Variants in MAP2 observed in about 807,000 individuals in gnomAD.
MAP2 encodes microtubule associated protein 2, also known as microtubule-associated protein 2.
MAP2 carries 14 observed loss-of-function variants against 137.6 expected under a neutral mutation model. The ratio of observed to expected loss-of-function variants is 0.10; its 90% confidence interval spans 0.07 to 0.16. The LOEUF (loss-of-function observed/expected upper bound fraction) is 0.16, where lower values mean the gene tolerates loss of function less well. Ranked by LOEUF, MAP2 falls within the 10% of genes least tolerant of loss-of-function variation. The pLI is 1.00. For synonymous variants in MAP2, 786 were observed against 782.3 expected, an observed-to-expected ratio of 1.00 and a Z score of -0.08; for missense variants, 2,088 against 2,191.5, an observed-to-expected ratio of 0.95 and a Z score of 0.94.
At chr2:209,484,987 G>A (rs2058198810) in intron 1 of MAP2, among the ~76,000 whole-genome samples, 1 of 152,210 alleles carries the variant, frequency 6.6e-6, no homozygotes, top group South Asian at 2.1e-4. Context: ...TGTGCACCAT[G>A]TCTGCAACTG....
intron 4 of MAP2, among the ~76,000 whole-genome samples, chr2:209,652,013 A>T (rs993866802): frequency 1.3e-5 from 2 of 152,126 alleles, no homozygotes; most frequent in Admixed American, 6.5e-5. Context: ...AAAAAGGAAG[A>T]TGTTCTTAGT....
chr2:209,727,913 A>G (rs565697009), intron 14 of MAP2, among the ~76,000 whole-genome samples: 1 of 152,252 alleles, frequency 6.6e-6, no homozygotes, highest in Non-Finnish European at 1.5e-5. Context: ...TCAATAATAC[A>G]TTATTATTTT....
chr2:209,694,137 A>G lies in MAP2; in HGVS notation c.1967A>G (p.Gln656Arg). 1 of 1,614,122 alleles carries G rather than the reference A, an allele frequency of 6.2e-7. No individual in the cohort carries two copies. The highest frequency in any genetic ancestry group is 8.5e-7 in the Non-Finnish European group (1 of 1,179,990). ...TTACCTGAAGAACCCAGTTCTCCTC[A>G]AGAAAGAATGTTCACTATTGATCCA... ...SDLPEEPSSPQERMFTIDPKV... is the reference protein window; with the variant it reads ...SDLPEEPSSPRERMFTIDPKV... The change falls in exon 8 of 16, where the codon CAA becomes CGA. Residue 656 changes from glutamine (Q) to arginine (R), a missense_variant. This residue lies in a region of MAP2 where 859 missense variants were observed against 794.5 expected (regional missense o/e 1.08). Transcript: ENST00000682079.
rs2060111349 is a variant in MAP2, at chr2:209,696,109, C to T, written c.3939C>T (p.Ala1313=). 6.2e-7 allele frequency: 1 copy of T among 1,613,584 alleles called. No homozygotes were observed. Among genetic ancestry groups the T allele is most frequent in the Non-Finnish European group, 8.5e-7 (1 of 1,179,802 alleles). ...ESGSHSVRFA[A]LEQPEVERRP... is the part of the protein sequence containing the mutation. ...GGTCCCACAGCGTGCGTTTTGCAGCCCTAGAGCAGCCTGAGGTGGAAAGGA... is the reference window on the plus strand; with the variant it reads ...GGTCCCACAGCGTGCGTTTTGCAGCTCTAGAGCAGCCTGAGGTGGAAAGGA... Residue 1313 remains alanine (A), a synonymous_variant, in exon 8 of 16, where the codon GCC becomes GCT. Coordinates refer to ENST00000682079, the MANE Select transcript of MAP2 (RefSeq NM_001375505.1).
intron 4 of MAP2, among the ~76,000 whole-genome samples, chr2:209,650,054 A>C (rs1209170708): frequency 6.6e-6 from 1 of 152,226 alleles, no homozygotes; most frequent in Non-Finnish European, 1.5e-5. Context: ...TTGGTTTGCT[A>C]GGTTTAAAAT....
At chr2:209,430,776 A>C in intron 1 of MAP2, among the ~76,000 whole-genome samples, 1 of 152,182 alleles carries the variant, frequency 6.6e-6, no homozygotes. Flanking sequence ...ATCTTCACTT[A>C]AACATCAGAA....
chr2:209,539,344 A>G lies in MAP2; in HGVS notation c.-172+31703A>G, dbSNP rs76561517. Among the ~76,000 whole-genome samples the G allele has an allele frequency of 8.9e-3, 1,362 of 152,324 alleles. 15 individuals carry two copies. The highest frequency in any genetic ancestry group is 0.031 in the African/African-American group (1,309 of 41,566). ...TGAATTGTTGGGTCTAATTAATTAT[A>G]TATTTACCTCTGCTCCTTCACAATT... is the stretch of plus-strand genomic sequence containing the variant. On this transcript the variant is annotated intron_variant, in intron 2 of 15. Coordinates refer to ENST00000682079, the MANE Select transcript of MAP2 (RefSeq NM_001375505.1).
chr2:209,630,284 C>G (rs1012730880), intron 4 of MAP2, among the ~76,000 whole-genome samples: 1 of 151,924 alleles, frequency 6.6e-6, no homozygotes, highest in African/African-American at 2.4e-5. Flanking sequence ...CTCCCAATCT[C>G]TCTGGGGCTC....
intron 7 of MAP2, among the ~76,000 whole-genome samples, chr2:209,689,716 G>T (rs79774470): frequency 0.011 from 1,651 of 152,126 alleles, 19 homozygotes; most frequent in Non-Finnish European, 0.018. Context: ...ACAGAAATAA[G>T]ACTTTATTAC....
intron 5 of MAP2, among the ~76,000 whole-genome samples, chr2:209,660,896 G>A (rs1430299609): frequency 2.0e-5 from 3 of 147,960 alleles, no homozygotes; most frequent in Admixed American, 6.7e-5. Context: ...CACCACGCCC[G>A]GCTAATTTTT....
At chr2:209,673,704 A>G (rs193274625) in intron 5 of MAP2, among the ~76,000 whole-genome samples, 63 of 151,988 alleles carry the variant, frequency 4.1e-4, no homozygotes, top group Non-Finnish European at 7.8e-4. Context: ...ATAATGAATA[A>G]TAATTCCCCA....
At chr2:209,669,904 T>G (rs2048062661) in intron 5 of MAP2, among the ~76,000 whole-genome samples, 1 of 152,148 alleles carries the variant, frequency 6.6e-6, no homozygotes, top group South Asian at 2.1e-4. Context: ...TTTGTTTTAT[T>G]GATATTTTAT....
intron 3 of MAP2, among the ~76,000 whole-genome samples, chr2:209,590,929 A>G (rs2079071870): frequency 6.6e-6 from 1 of 152,164 alleles, no homozygotes; most frequent in South Asian, 2.1e-4. Flanking sequence ...TAAAATAGTA[A>G]TGACTCCTGT....
chr2:209,608,640 G>T (rs1162524457), intron 3 of MAP2, among the ~76,000 whole-genome samples: 1 of 151,948 alleles, frequency 6.6e-6, no homozygotes, highest in African/African-American at 2.4e-5. Context: ...ATTTGACGAG[G>T]CCATCCATTT....
At chr2:209,528,848 G>A (rs549739906) in intron 2 of MAP2, among the ~76,000 whole-genome samples, 269 of 141,088 alleles carry the variant, frequency 1.9e-3, no homozygotes, top group African/African-American at 6.6e-3. Context: ...GTATATATAT[G>A]TGTGTGTGTA....
chr2:209,465,296 A>G (rs1357399141), intron 1 of MAP2, among the ~76,000 whole-genome samples: 1 of 152,156 alleles, frequency 6.6e-6, no homozygotes, highest in Non-Finnish European at 1.5e-5. Context: ...AAATAAACTA[A>G]ATCAGTCAAG....
chr2:209,730,432 AG>A lies in MAP2; in HGVS notation c.*37del. 6.6e-7 allele frequency: 1 copy of A among 1,515,936 alleles called. No individual in the cohort carries two copies. The highest frequency in any genetic ancestry group is 1.7e-4 in the Middle Eastern group (1 of 5,918). 93.9% of individuals were successfully genotyped at this position (1,515,936 alleles called of 1,614,324 possible). On this transcript the variant is annotated 3_prime_UTR_variant, in exon 16 of 16. Transcript: ENST00000682079. ...ATTTAGCATTGAAATAATAATATTTAGGCATGAGCTCTTGGCAGGAGTGGGC... is the reference window on the plus strand; with the variant it reads ...ATTTAGCATTGAAATAATAATATTTAGCATGAGCTCTTGGCAGGAGTGGGC...
At chr2:209,560,555 C>T (rs570236441) in intron 2 of MAP2, among the ~76,000 whole-genome samples, 6 of 150,594 alleles carry the variant, frequency 4.0e-5, no homozygotes, top group East Asian at 2.0e-4. Flanking sequence ...TCATGGCCCT[C>T]TGCAGGCTTG....
intron 7 of MAP2, among the ~76,000 whole-genome samples, chr2:209,687,603 C>T (rs773071321): frequency 7.2e-5 from 11 of 152,172 alleles, no homozygotes; most frequent in Admixed American, 2.6e-4. Context: ...CTTCATCCTG[C>T]TGTGCTGCTT....
Sources: gnomAD v4.1 joint callset for allele counts (sites outside exome capture counted in the v4.1 genomes callset) on GRCh38, gnomAD v4.1.1 for gene constraint, gnomAD v4.1.1 regional missense constraint, MANE v1.5 for transcripts, NCBI Gene and HGNC (gene_info 2026-07-23, HGNC 2026-07-21) for gene names.